The following PTPRM variants were observed in gnomAD, a reference collection of about 807,000 sequenced individuals.
The protein encoded by PTPRM is protein tyrosine phosphatase receptor type M.
PTPRM carries 47 observed loss-of-function variants against 186.7 expected under a neutral mutation model. The ratio of observed to expected loss-of-function variants is 0.25; its 90% confidence interval spans 0.20 to 0.32. The LOEUF is 0.32. Among genes scored for constraint, PTPRM ranks in the 10% least tolerant of loss-of-function variants. The pLI is 1.00. For synonymous variants in PTPRM, 668 were observed against 674.9 expected (o/e 0.99, Z 0.16); for missense variants, 1,494 against 1,865.0 (o/e 0.80, Z 3.66).
At chr18:8,131,909 A>C (rs151036375) in intron 13 of PTPRM, among the ~76,000 whole-genome samples, 1 of 152,220 alleles carries the variant, frequency 6.6e-6, no homozygotes, top group Non-Finnish European at 1.5e-5. Context: ...TGCTTAGTAT[A>C]TCGATCAGTA....
At chr18:7,912,480 C>T (rs1042473837) in intron 4 of PTPRM, among the ~76,000 whole-genome samples, 1 of 152,026 alleles carries the variant, frequency 6.6e-6, no homozygotes, top group African/African-American at 2.4e-5. Context: ...TTGTTCTTTT[C>T]TCATTATTGT....
chr18:7,673,691 C>G (rs757875497), intron 1 of PTPRM, among the ~76,000 whole-genome samples: 5 of 152,086 alleles, frequency 3.3e-5, no homozygotes, highest in Non-Finnish European at 5.9e-5. Context: ...CAAAAACATT[C>G]AAAGGTATAA....
chr18:7,860,377 A>G (rs184636140), intron 2 of PTPRM, among the ~76,000 whole-genome samples: 36 of 152,230 alleles, frequency 2.4e-4, no homozygotes, highest in Middle Eastern at 6.8e-3. Flanking sequence ...CCATTCTGCC[A>G]GTTTTTTAAG....
intron 14 of PTPRM, among the ~76,000 whole-genome samples, chr18:8,174,513 TG>T (rs2093452683): frequency 6.6e-6 from 1 of 152,172 alleles, no homozygotes; most frequent in African/African-American, 2.4e-5. Flanking sequence ...ATAGTTGATT[TG>T]ATGAAAGAAT....
intron 22 of PTPRM, among the ~76,000 whole-genome samples, chr18:8,325,820 C>T (rs1454616292): frequency 6.6e-6 from 1 of 152,208 alleles, no homozygotes; most frequent in Non-Finnish European, 1.5e-5. Context: ...GTTCCATCTT[C>T]TCCACAACCT....
intron 7 of PTPRM, among the ~76,000 whole-genome samples, chr18:7,978,270 T>G (rs1238007904): frequency 6.6e-6 from 1 of 152,154 alleles, no homozygotes; most frequent in Non-Finnish European, 1.5e-5. Flanking sequence ...GTATAGAACA[T>G]ACAGATATAA....
At chr18:8,025,033 A>G (rs915764014) in intron 7 of PTPRM, among the ~76,000 whole-genome samples, 3 of 152,156 alleles carry the variant, frequency 2.0e-5, no homozygotes, top group Non-Finnish European at 2.9e-5. Flanking sequence ...ATGCAGAACT[A>G]TGCGGTAGAA....
At chr18:7,986,301 A>G (rs1201023918) in intron 7 of PTPRM, among the ~76,000 whole-genome samples, 1 of 152,178 alleles carries the variant, frequency 6.6e-6, no homozygotes, top group African/African-American at 2.4e-5. Flanking sequence ...TTTTCTCAGG[A>G]AAGAGAAAAG....
At chr18:7,656,280 C>T (rs942700087) in intron 1 of PTPRM, among the ~76,000 whole-genome samples, 9 of 152,128 alleles carry the variant, frequency 5.9e-5, no homozygotes, top group African/African-American at 2.2e-4. Flanking sequence ...CACAAATGAA[C>T]CTTGAGGACG....
intron 1 of PTPRM, among the ~76,000 whole-genome samples, chr18:7,728,103 T>G (rs2040585280): frequency 6.6e-6 from 1 of 152,228 alleles, no homozygotes; most frequent in Non-Finnish European, 1.5e-5. Context: ...TTACTTATTT[T>G]TGTGCTGTAA....
intron 7 of PTPRM, chr18:7,995,929 G>C (rs77748934): frequency 6.6e-6 from 1 of 152,164 alleles, no homozygotes; most frequent in African/African-American, 2.4e-5. Context: ...AGGGATCCTT[G>C]TGGGGTGGGC....
chr18:7,696,934 C>T (rs927146258), intron 1 of PTPRM, among the ~76,000 whole-genome samples: 9 of 152,008 alleles, frequency 5.9e-5, no homozygotes, highest in South Asian at 2.1e-4. Flanking sequence ...CTTTACTGTG[C>T]GGGCTTTATG....
chr18:7,918,395 T>C (rs2050684067), intron 4 of PTPRM, among the ~76,000 whole-genome samples: 1 of 152,170 alleles, frequency 6.6e-6, no homozygotes, highest in African/African-American at 2.4e-5. Flanking sequence ...TGCTCACCAG[T>C]ATCCGTTACT....
At chr18:7,821,984 A>G (rs913079098) in intron 2 of PTPRM, among the ~76,000 whole-genome samples, 1 of 152,236 alleles carries the variant, frequency 6.6e-6, no homozygotes, top group Non-Finnish European at 1.5e-5. Flanking sequence ...AACTGACACC[A>G]TGGAAAACAA....
At chr18:7,976,995 A>C (rs1481548047) in intron 7 of PTPRM, among the ~76,000 whole-genome samples, 1 of 151,860 alleles carries the variant, frequency 6.6e-6, no homozygotes, top group African/African-American at 2.4e-5. Context: ...AGATTTAACT[A>C]TGGGGATCAA....
chr18:8,207,360 A>G (rs2093945736), intron 14 of PTPRM, among the ~76,000 whole-genome samples: 1 of 152,220 alleles, frequency 6.6e-6, no homozygotes, highest in South Asian at 2.1e-4. Context: ...AATTTCTTCT[A>G]AGGGAATTTT....
chr18:8,126,008 TATATATATATATA>T lies in PTPRM; in HGVS notation c.2167+11182_2167+11194del, dbSNP rs1339809325. ...ATATATATATATATATATATATATATATATATATATATATATATATTTTAAATCAGTAGACCTT... is the reference window on the plus strand; with the variant it reads ...ATATATATATATATATATATATATATTATATATTTTAAATCAGTAGACCTT... On this transcript the variant is annotated intron_variant, in intron 13 of 32. Coordinates refer to ENST00000580170, the MANE Select transcript of PTPRM (RefSeq NM_001105244.2). Among the ~76,000 whole-genome samples the T allele has an allele frequency of 2.2e-3, 50 of 22,508 alleles. 3 individuals are homozygous for T. The highest frequency in any genetic ancestry group is 0.015 in the East Asian group (10 of 660). 14.8% of individuals were successfully genotyped at this position (22,508 alleles called of 152,430 possible).
At chr18:8,198,988 C>T (rs2093816777) in intron 14 of PTPRM, among the ~76,000 whole-genome samples, 1 of 151,930 alleles carries the variant, frequency 6.6e-6, no homozygotes, top group South Asian at 2.1e-4. Flanking sequence ...AGGAGGCTGG[C>T]CAGACCCTCC....
chr18:8,250,720 T>C (rs1176369881), intron 17 of PTPRM, among the ~76,000 whole-genome samples: 1 of 151,762 alleles, frequency 6.6e-6, no homozygotes, highest in Non-Finnish European at 1.5e-5. Context: ...GCCCAGGAGT[T>C]TGGGGCTGCA....
Sources: allele counts gnomAD v4.1 joint callset (sites outside exome capture counted in the v4.1 genomes callset), GRCh38; gene constraint gnomAD v4.1.1; transcripts MANE v1.5; gene names NCBI Gene and HGNC (gene_info 2026-07-23, HGNC 2026-07-21).